Variants in CTNNBL1 observed in about 807,000 individuals in gnomAD.
CTNNBL1 encodes beta-catenin-like protein 1.
In CTNNBL1, 31 loss-of-function variants were observed where a neutral mutation model predicts 72.7. The observed-to-expected ratio is 0.43, with a 90% CI of 0.32 to 0.58. The LOEUF (loss-of-function observed/expected upper bound fraction) is 0.58, where lower values mean the gene tolerates loss of function less well. Among genes scored for constraint, CTNNBL1 ranks in the 20% least tolerant of loss-of-function variants. The probability of loss-of-function intolerance (pLI) is 0.08; values close to 1 mark genes in which losing one functional copy is unlikely to be tolerated. For synonymous variants in CTNNBL1, 240 were observed against 267.3 expected, an observed-to-expected ratio of 0.90 and a Z score of 1.00; for missense variants, 534 against 725.1, an observed-to-expected ratio of 0.74 and a Z score of 3.03.
At position 37,765,226 on chromosome 20, in the gene CTNNBL1, A is replaced by G; in HGVS notation, c.594A>G (p.Val198=). ...LVDGQVVALL[V]QNLERLDESV... The stretch of plus-strand genomic sequence containing the variant: ...ATGGGCAGGTGGTAGCACTGCTGGT[A>G]CAGAATCTGGAGCGCCTGGATGAGT... The change falls in exon 6 of 16, where the codon GTA becomes GTG. Residue 198 remains valine (V), a synonymous_variant. Coordinates refer to ENST00000361383, the MANE Select transcript of CTNNBL1 (RefSeq NM_030877.5). The G allele has an allele frequency of 1.3e-6, 2 of 1,551,514 alleles. No individual in the cohort carries two copies. Among genetic ancestry groups the G allele is most frequent in the Non-Finnish European group, 8.7e-7 (1 of 1,146,858 alleles).
At chr20:37,752,181 G>C (rs996923997) in intron 4 of CTNNBL1, among the ~76,000 whole-genome samples, 3 of 152,076 alleles carry the variant, frequency 2.0e-5, no homozygotes, top group African/African-American at 7.2e-5. Context: ...AGCCTGCCTT[G>C]GACATTTCCC....
chr20:37,847,753 C>T (rs974877376), intron 13 of CTNNBL1: 1 of 152,554 alleles, frequency 6.6e-6, no homozygotes, highest in Non-Finnish European at 1.5e-5. Flanking sequence ...AAATTATACT[C>T]AGCAGGTTTG....
At chr20:37,838,923 G>A (rs1290667382) in intron 11 of CTNNBL1, among the ~76,000 whole-genome samples, 1 of 152,128 alleles carries the variant, frequency 6.6e-6, no homozygotes, top group Non-Finnish European at 1.5e-5. Context: ...ATGTTAGGCA[G>A]CCAAGTGGAG....
intron 11 of CTNNBL1, among the ~76,000 whole-genome samples, chr20:37,803,637 C>T (rs902239791): frequency 2.0e-5 from 3 of 152,156 alleles, no homozygotes; most frequent in Admixed American, 2.0e-4. Flanking sequence ...TAAATAGCCA[C>T]AGTGCAATCT....
chr20:37,828,694 C>T (rs895820126), intron 11 of CTNNBL1, among the ~76,000 whole-genome samples: 1 of 152,170 alleles, frequency 6.6e-6, no homozygotes, highest in African/African-American at 2.4e-5. Flanking sequence ...GCCACCTATG[C>T]ACTATTCAGT....
chr20:37,764,142 A>G (rs1286508251), intron 5 of CTNNBL1, among the ~76,000 whole-genome samples: 2 of 152,156 alleles, frequency 1.3e-5, no homozygotes, highest in Admixed American at 6.5e-5. Flanking sequence ...GGCCTGTTAC[A>G]TATTTTCATT....
chr20:37,867,745 T>G (rs1359141419), intron 15 of CTNNBL1, among the ~76,000 whole-genome samples: 1 of 152,098 alleles, frequency 6.6e-6, no homozygotes, highest in Non-Finnish European at 1.5e-5. Flanking sequence ...GAGAGAACTC[T>G]TTCCCAAGAC....
At chr20:37,742,726 A>T (rs942704956) in intron 3 of CTNNBL1, among the ~76,000 whole-genome samples, 3 of 106,982 alleles carry the variant, frequency 2.8e-5, no homozygotes, top group African/African-American at 2.0e-4. Flanking sequence ...GTTATTGATT[A>T]AAAAAAAATA....
Position 37,819,649 on chromosome 20 carries a change from A to AT in CTNNBL1, c.1213+16607dup, listed in dbSNP as rs376429219. Among the ~76,000 whole-genome samples, 154 of 152,178 alleles carry AT rather than the reference A, an allele frequency of 1.0e-3. 2 individuals are homozygous for AT. The highest frequency in any genetic ancestry group is 3.5e-3 in the African/African-American group (145 of 41,510). On this transcript the variant is annotated intron_variant, in intron 11 of 15. Coordinates refer to ENST00000361383, the MANE Select transcript of CTNNBL1 (RefSeq NM_030877.5). ...GTATCTTTTAAGAATTTTTTAAAGT[A>AT]TTTTTTCCAGAATTACATTTTTGGG...
chr20:37,842,307 TCTCA>T (rs1232645367), intron 12 of CTNNBL1, 28 bp from the exon 13 acceptor site: 1 of 1,494,006 alleles, frequency 6.7e-7, no homozygotes, highest in Admixed American at 1.7e-5. Context: ...TGTCTTTCCT[TCTCA>T]CTCAAGCCTG....
At chr20:37,815,751 A>C (rs2072051831) in intron 11 of CTNNBL1, among the ~76,000 whole-genome samples, 2 of 152,218 alleles carry the variant, frequency 1.3e-5, no homozygotes, top group African/African-American at 2.4e-5. Context: ...GATGCCTTTC[A>C]AATGGTATTT....
chr20:37,870,189 A>C (rs79510655), intron 15 of CTNNBL1, among the ~76,000 whole-genome samples: 3,928 of 152,076 alleles, frequency 0.026, 152 homozygotes, highest in African/African-American at 0.09. Context: ...AACTGTGCCC[A>C]GAGCCTCACC....
intron 7 of CTNNBL1, among the ~76,000 whole-genome samples, chr20:37,768,719 T>C (rs2073494712): frequency 2.0e-5 from 3 of 152,200 alleles, no homozygotes. Context: ...ATAATAGTTC[T>C]ATTTTATTAT....
At chr20:37,751,051 A>G (rs568859630) in intron 4 of CTNNBL1, 1 of 152,134 alleles carries the variant, frequency 6.6e-6, no homozygotes, top group Non-Finnish European at 1.5e-5. Context: ...TTTGCAGTGG[A>G]AATTGCCATT....
intron 10 of CTNNBL1, among the ~76,000 whole-genome samples, chr20:37,788,704 G>A (rs960238516): frequency 3.3e-5 from 5 of 152,190 alleles, no homozygotes; most frequent in East Asian, 3.8e-4. Context: ...CTCTTCTTCC[G>A]TTATCCTCCC....
chr20:37,788,528 A>G (rs1303592065), intron 10 of CTNNBL1, among the ~76,000 whole-genome samples: 3 of 152,194 alleles, frequency 2.0e-5, no homozygotes, highest in African/African-American at 7.2e-5. Context: ...GGAAAGCACA[A>G]AACGGGGCCA....
chr20:37,809,942 G>A (rs1285256129), intron 11 of CTNNBL1, among the ~76,000 whole-genome samples: 1 of 152,176 alleles, frequency 6.6e-6, no homozygotes, highest in Non-Finnish European at 1.5e-5. Flanking sequence ...CATTATGAAA[G>A]AGTGTTGTTA....
At chr20:37,744,777 C>T (rs2073247878) in intron 3 of CTNNBL1, 1 of 152,148 alleles carries the variant, frequency 6.6e-6, no homozygotes, top group African/African-American at 2.4e-5. Context: ...ATATTAACAA[C>T]AACAGCAAAA....
intron 1 of CTNNBL1, among the ~76,000 whole-genome samples, chr20:37,708,522 C>G (rs1009802397): frequency 4.6e-5 from 7 of 152,194 alleles, no homozygotes; most frequent in Non-Finnish European, 7.4e-5. Context: ...TTGTAAAAAG[C>G]ACAGTATCTG....
Sources: allele counts gnomAD v4.1 joint callset (sites outside exome capture counted in the v4.1 genomes callset), GRCh38; gene constraint gnomAD v4.1.1; transcripts MANE v1.5; gene names NCBI Gene and HGNC (gene_info 2026-07-23, HGNC 2026-07-21).